KIFC1: variants seen among roughly 807,000 people sequenced by gnomAD.
KIFC1 encodes kinesin family member C1, also known as kinesin-like protein KIFC1.
In KIFC1, 37 loss-of-function variants were observed where a neutral mutation model predicts 66.6. The ratio of observed to expected loss-of-function variants is 0.56; its 90% CI spans 0.43 to 0.73. The LOEUF is 0.73. KIFC1 is among the 30% of genes least tolerant of loss of function. KIFC1 has a pLI of 0.00. For synonymous variants in KIFC1, 325 were observed against 343.5 expected, an observed-to-expected ratio of 0.95 and a Z score of 0.60; for missense variants, 721 against 859.8, an observed-to-expected ratio of 0.84 and a Z score of 2.02.
In KIFC1 at chr6:33,406,115, G is replaced by T; in HGVS notation, c.1537-81G>T. ...GCTAGAAAGCTTCAAGAGGGTGGGG[G>T]TGGGCTCTTATTCATTTCCATACAT... On this transcript the variant is annotated intron_variant, in intron 7 of 10. Coordinates refer to ENST00000428849, the MANE Select transcript of KIFC1 (RefSeq NM_002263.4). The surrounding 1 kb of genome is among the most constrained non-coding windows in gnomAD (Gnocchi z 4.5). 7.6e-7 allele frequency: 1 copy of T among 1,309,410 alleles called. No homozygotes were observed. The allele number at this position is 1,309,410 out of a possible 1,614,324, so 81.1% of individuals were successfully genotyped here. A position where few individuals can be genotyped will look rare whatever the true frequency, so the allele number is the denominator to read the frequency against.
chr6:33,398,578 C>A (rs1450676579), intron 3 of KIFC1, among the ~76,000 whole-genome samples, 191 bp downstream of exon 3: 1 of 152,194 alleles, frequency 6.6e-6, no homozygotes, highest in East Asian at 1.9e-4. Flanking sequence ...ATTCTCCTAC[C>A]TCAGCCTCCC....
chr6:33,402,119 C>T (rs1015799719), intron 3 of KIFC1, among the ~76,000 whole-genome samples: 1 of 152,146 alleles, frequency 6.6e-6, no homozygotes, highest in African/African-American at 2.4e-5. Context: ...AATATATAAA[C>T]TAGTAACATA....
In KIFC1 at chr6:33,406,229, C is replaced by T. The variant is rs769515453; in HGVS notation, c.1570C>T (p.Arg524Trp). The T allele has an allele frequency of 3.1e-6, 5 of 1,609,634 alleles. No homozygotes were observed. Among genetic ancestry groups the T allele is most frequent in the Non-Finnish European group, 3.4e-6 (4 of 1,177,016 alleles). The change falls in exon 8 of 11, where the codon CGG becomes TGG. Residue 524 changes from arginine to tryptophan, a missense_variant. Arg to Trp is a moderately radical substitution (Grantham distance 101). Coordinates refer to ENST00000428849, the MANE Select transcript of KIFC1 (RefSeq NM_002263.4). This position sits in a 1 kb window ranked among gnomAD's most constrained non-coding sequence, Gnocchi z 4.5. The part of the protein sequence containing the change: ...DALLHLARQN[R>W]AVARTAQNER... ...CCTGCTTCATCTGGCCCGCCAGAATCGGGCTGTGGCCCGCACAGCCCAGAA... is the reference window on the plus strand; with the variant it reads ...CCTGCTTCATCTGGCCCGCCAGAATTGGGCTGTGGCCCGCACAGCCCAGAA...
Position 33,404,077 on chromosome 6 carries a change from T to G in KIFC1, c.704T>G (p.Val235Gly). Residue 235 changes from valine (V) to glycine (G), a missense_variant, in exon 6 of 11, where the codon GTG (valine) becomes GGG (glycine). By Grantham distance (109) the Val-to-Gly change is moderately radical. Transcript: ENST00000428849. The surrounding 1 kb of genome is among the most constrained non-coding windows in gnomAD (Gnocchi z 4.0). ...GLVQELQKKQ[V>G]ELQEERRGLM... is the part of the protein sequence containing the mutation. ...GTGCAAGAGCTTCAGAAAAAACAGGTGGAATTGCAGGAAGAACGGAGGGGA... is the reference window on the plus strand; with the variant it reads ...GTGCAAGAGCTTCAGAAAAAACAGGGGGAATTGCAGGAAGAACGGAGGGGA... 6.2e-7 allele frequency: 1 copy of G among 1,613,648 alleles called. No homozygotes were observed. The highest frequency in any genetic ancestry group is 1.1e-5 in the South Asian group (1 of 91,060).
rs1401863986 is a variant in KIFC1, at chr6:33,405,738, G to A, written c.1536+107G>A. 2 of 1,203,384 alleles carry A rather than the reference G, an allele frequency of 1.7e-6. No individual in the cohort carries two copies. Among genetic ancestry groups the A allele is most frequent in the South Asian group, 3.8e-5 (2 of 52,566 alleles). 74.5% of individuals were successfully genotyped at this position (1,203,384 alleles called of 1,614,324 possible). On this transcript the variant is annotated intron_variant, in intron 7 of 10. Transcript: ENST00000428849. The surrounding 1 kb of genome is among the most constrained non-coding windows in gnomAD (Gnocchi z 5.4). ...GCAAGAGAGAATTGAAGGATGAAGTGCAAGTTATCAGGCTGGGTTACCACA... is the reference window on the plus strand; with the variant it reads ...GCAAGAGAGAATTGAAGGATGAAGTACAAGTTATCAGGCTGGGTTACCACA...
intron 10 of KIFC1, among the ~76,000 whole-genome samples, chr6:33,408,913 C>T (rs1446680119): frequency 1.3e-5 from 2 of 152,182 alleles, no homozygotes; most frequent in Admixed American, 6.5e-5. Context: ...TGGCTCATGC[C>T]TGTAACCCCA....
At chr6:33,391,707 T>A, upstream of KIFC1, 1 of 592,480 alleles carries the variant, frequency 1.7e-6, no homozygotes, top group Non-Finnish European at 3.0e-6. Flanking sequence ...ACAAGGCGCC[T>A]GTCGGGCGGG....
Position 33,404,961 on chromosome 6 carries a change from G to A in KIFC1, c.866G>A (p.Arg289His), listed in dbSNP as rs147773024. Residue 289 changes from arginine to histidine, a missense_variant, in exon 7 of 11, where the codon CGT becomes CAT. By Grantham distance (29) the Arg-to-His change is conservative. Transcript: ENST00000428849. The surrounding 1 kb of genome is among the most constrained non-coding windows in gnomAD (Gnocchi z 4.0). ...QAALLTEREE[R>H]LHGLEMERRR... ...GCCTTACTGACTGAGCGGGAAGAAC[G>A]TCTTCATGGGCTAGAAATGGAGCGC... The A allele has an allele frequency of 3.6e-4, 579 of 1,614,130 alleles. 1 individual carries two copies. Among genetic ancestry groups the A allele is most frequent in the Non-Finnish European group, 4.3e-4 (502 of 1,180,036 alleles).
rs369275310 is a variant in KIFC1 at position 33,391,995 on chromosome 6, C to T, written c.10C>T (p.Gln4Ter). ...TGGGACCGAGGTGGACATGGATCCG[C>T]AGGTGAGTAGGGGCGGCGCAGGTGT... The part of the protein sequence containing the change: MDP[Q>*]RSPLLEVKGN... The change falls in exon 1 of 11, where the codon CAG becomes TAG. Residue 4 changes from glutamine (Q) to a stop codon, truncating the protein, a stop_gained and splice_region_variant. Coordinates refer to ENST00000428849, the MANE Select transcript of KIFC1 (RefSeq NM_002263.4). LOFTEE classifies it high-confidence loss of function. 7.4e-6 allele frequency: 12 copies of T among 1,613,916 alleles called. No individual in the cohort carries two copies. The highest frequency in any genetic ancestry group is 1.0e-5 in the Non-Finnish European group (12 of 1,179,928).
At chr6:33,398,260 T>A in intron 2 of KIFC1, 28 bp from the exon 3 acceptor site, 1 of 1,613,710 alleles carries the variant, frequency 6.2e-7, no homozygotes, top group Non-Finnish European at 8.5e-7. Context: ...GGAGGGTGAC[T>A]ATGGACCTTG....
In KIFC1 at chr6:33,400,366, A is replaced by C; in HGVS notation, c.250+1979A>C. 15 of 1,595,794 alleles carry C rather than the reference A, an allele frequency of 9.4e-6. No homozygotes were observed. The highest frequency in any genetic ancestry group is 1.3e-5 in the Non-Finnish European group (15 of 1,173,502). On this transcript the variant is annotated intron_variant, in intron 3 of 10. Coordinates refer to ENST00000428849, the MANE Select transcript of KIFC1 (RefSeq NM_002263.4). The surrounding 1 kb of genome is among the most constrained non-coding windows in gnomAD (Gnocchi z 4.3). ...CTCAATCTGGGCCTGTCTGTTCTCA[A>C]TGGTCAGTTTCACTGTAATCCTCAG...
chr6:33,405,534 G>A lies in KIFC1; in HGVS notation c.1439G>A (p.Gly480Asp). The change falls in exon 7 of 11, where the codon GGT becomes GAT. Residue 480 changes from glycine to aspartate, a missense_variant. Transcript: ENST00000428849. This position sits in a 1 kb window ranked among gnomAD's most constrained non-coding sequence, Gnocchi z 5.4. Reference sequence around the variant, plus strand: ...CTGCTGGCCACTGGAACCCGGAAGGGTCAAGGGGGCGAGTGTGAGATTCGC... The same window carrying A: ...CTGCTGGCCACTGGAACCCGGAAGGATCAAGGGGGCGAGTGTGAGATTCGC... The part of the protein sequence containing the change: ...RDLLATGTRK[G>D]QGGECEIRRA... 1 of 1,610,188 alleles carries A rather than the reference G, an allele frequency of 6.2e-7. No homozygotes were observed. The highest frequency in any genetic ancestry group is 8.5e-7 in the Non-Finnish European group (1 of 1,178,336).
At position 33,406,138 on chromosome 6, in the gene KIFC1, C is replaced by T; in HGVS notation, c.1537-58C>T. On this transcript the variant is annotated intron_variant, in intron 7 of 10. Transcript: ENST00000428849. The surrounding 1 kb of genome is among the most constrained non-coding windows in gnomAD (Gnocchi z 4.5). ...GGGTGGGCTCTTATTCATTTCCATA[C>T]ATATTACTATGTACTGACTTCTGCC... The T allele has an allele frequency of 6.8e-7, 1 of 1,475,970 alleles. No individual in the cohort carries two copies. The highest frequency in any genetic ancestry group is 1.3e-5 in the South Asian group (1 of 76,402). The allele number at this position is 1,475,970 out of a possible 1,614,324, so 91.4% of individuals were successfully genotyped here.
At chr6:33,392,084 C>T in intron 1 of KIFC1, 87 bp downstream of exon 1, 2 of 1,468,720 alleles carry the variant, frequency 1.4e-6, no homozygotes, top group African/African-American at 1.4e-5. Flanking sequence ...GGCTCCCGGT[C>T]GGCCTTTGTC....
Position 33,406,241 on chromosome 6 carries a change from C to T in KIFC1, c.1582C>T (p.Arg528Cys), listed in dbSNP as rs762887185. 6.8e-6 allele frequency: 11 copies of T among 1,613,416 alleles called. No individual in the cohort carries two copies. The highest frequency in any genetic ancestry group is 1.3e-5 in the African/African-American group (1 of 74,914). ...HLARQNRAVA[R>C]TAQNERSSRS... ...GGCCCGCCAGAATCGGGCTGTGGCC[C>T]GCACAGCCCAGAATGAACGGTCATC... Residue 528 changes from arginine (R) to cysteine (C), a missense_variant, in exon 8 of 11, where the codon CGC (arginine) becomes TGC (cysteine). Arg to Cys is a radical substitution (Grantham distance 180). Coordinates refer to ENST00000428849, the MANE Select transcript of KIFC1 (RefSeq NM_002263.4). This position sits in a 1 kb window ranked among gnomAD's most constrained non-coding sequence, Gnocchi z 4.5.
intron 10 of KIFC1, among the ~76,000 whole-genome samples, chr6:33,409,037 G>A (rs374800838): frequency 1.3e-5 from 2 of 152,124 alleles, no homozygotes; most frequent in African/African-American, 4.8e-5. Flanking sequence ...GCGTGGTGGC[G>A]GGCGCCTGTA....
rs1775537695 is a variant in KIFC1, at chr6:33,404,457, A to G, written c.756+328A>G. 6.6e-6 allele frequency among the ~76,000 whole-genome samples: 1 copy of G among 151,822 alleles called. No homozygotes were observed. The highest frequency in any genetic ancestry group is 6.6e-5 in the Admixed American group (1 of 15,244). ...TGTGGTACTCTCTTTCCCTCCTCCC[A>G]TGTCCACTTGACTCCTTCCTGGTGA... On this transcript the variant is annotated intron_variant, in intron 6 of 10. Coordinates refer to ENST00000428849, the MANE Select transcript of KIFC1 (RefSeq NM_002263.4). The surrounding 1 kb of genome is among the most constrained non-coding windows in gnomAD (Gnocchi z 4.0).
At chr6:33,397,877 T>TAAC (rs1775139013) in intron 1 of KIFC1, 152 bp from the exon 2 acceptor site, 1 of 795,130 alleles carries the variant, frequency 1.3e-6, no homozygotes, top group Admixed American at 2.2e-5. Flanking sequence ...CTCACTTCTG[T>TAAC]TCATGCTGTC....
chr6:33,398,192 ATG>A, intron 2 of KIFC1, 26 bp downstream of exon 2: 2 of 1,614,044 alleles, frequency 1.2e-6, no homozygotes, highest in Non-Finnish European at 1.7e-6. Flanking sequence ...AGAGCTGTGC[ATG>A]TGTGTGGGGG....
Sources: gnomAD v4.1 joint callset for allele counts (sites outside exome capture counted in the v4.1 genomes callset) on GRCh38, gnomAD v4.1.1 for gene constraint, Gnocchi (gnomAD v3.1) non-coding constraint, MANE v1.5 for transcripts, NCBI Gene and HGNC (gene_info 2026-07-23, HGNC 2026-07-21) for gene names.